Variants in CCL11 observed in about 807,000 individuals in gnomAD.
CCL11 encodes the protein C-C motif chemokine ligand 11, also known as eotaxin.
A neutral mutation model predicts 7.3 loss-of-function variants in CCL11; 7 were observed. The ratio of observed to expected loss-of-function variants is 0.96; its 90% CI spans 0.55 to 1.81. The LOEUF is 1.81. Ranked by LOEUF, CCL11 falls within the 40% of genes most tolerant of loss-of-function variation. CCL11 has a pLI of 0.00. For missense variants in CCL11, 132 were observed against 114.2 expected (o/e 1.16, Z -0.71); for synonymous variants, 66 against 45.2 (o/e 1.46, Z -1.84).
At position 34,287,663 on chromosome 17, in the gene CCL11, C is replaced by A. The variant is rs202174496; in HGVS notation, c.267C>A (p.Asp89Glu). The A allele has an allele frequency of 5.0e-6, 8 of 1,612,964 alleles. No homozygotes were observed. Among genetic ancestry groups the A allele is most frequent in the African/African-American group, 1.3e-5 (1 of 74,912 alleles). Residue 89 changes from aspartate (D) to glutamate (E), a missense_variant, in exon 3 of 3, where the codon GAC becomes GAA. Physicochemically the swap from Asp to Glu is conservative, Grantham distance 45. Transcript: ENST00000305869. Reference sequence around the variant, plus strand: ...TGCAGGATTCCATGAAGTATCTGGACCAAAAATCTCCAACTCCAAAGCCAT... The same window carrying A: ...TGCAGGATTCCATGAAGTATCTGGAACAAAAATCTCCAACTCCAAAGCCAT... Reference protein sequence around the residue: ...KWVQDSMKYLDQKSPTPKP With the variant: ...KWVQDSMKYLEQKSPTPKP
chr17:34,285,905 C>CCTTTCCTGT, intron 1 of CCL11, 21 bp downstream of exon 1: 1 of 1,577,916 alleles, frequency 6.3e-7, no homozygotes, highest in Non-Finnish European at 8.7e-7. Context: ...CAACTCCTTA[C>CCTTTCCTGT]AGGAAAGGTA....
In CCL11 at chr17:34,287,108, C is replaced by T; in HGVS notation, c.89C>T (p.Thr30Ile). Residue 30 changes from threonine to isoleucine, a missense_variant, in exon 2 of 3, where the codon ACC (threonine) becomes ATC (isoleucine). Coordinates refer to ENST00000305869, the MANE Select transcript of CCL11 (RefSeq NM_002986.3). ...CCCCAAAATTCAGCTTCTGTCCCAA[C>T]CACCTGCTGCTTTAACCTGGCCAAT... is the stretch of plus-strand genomic sequence containing the variant. Reference protein sequence around the residue: ...QGLAGPASVPTTCCFNLANRK... With the variant: ...QGLAGPASVPITCCFNLANRK... 1 of 1,613,588 alleles carries T rather than the reference C, an allele frequency of 6.2e-7. No individual in the cohort carries two copies. Among genetic ancestry groups the T allele is most frequent in the African/African-American group, 1.3e-5 (1 of 75,016 alleles).
rs369793064 is a variant in CCL11, at chr17:34,287,581, A to G, written c.189-4A>G. 8.6e-5 allele frequency: 139 copies of G among 1,608,678 alleles called. No homozygotes were observed. Among genetic ancestry groups the G allele is most frequent in the Non-Finnish European group, 1.1e-4 (135 of 1,175,288 alleles). Reference sequence around the variant, plus strand: ...CTTCCAATTGCATCCTGTATCTCCCACAGCTTCAAGACCAAACTGGCCAAG... The same window carrying G: ...CTTCCAATTGCATCCTGTATCTCCCGCAGCTTCAAGACCAAACTGGCCAAG... On this transcript the variant is annotated splice_region_variant and splice_polypyrimidine_tract_variant and intron_variant, in intron 2 of 2. Coordinates refer to ENST00000305869, the MANE Select transcript of CCL11 (RefSeq NM_002986.3).
chr17:34,287,025 G>T, intron 1 of CCL11, 71 bp from the exon 2 acceptor site: 1 of 1,007,932 alleles, frequency 9.9e-7, no homozygotes, highest in Non-Finnish European at 1.6e-6. Context: ...ACAAAGTCAT[G>T]CTTGGAAATG....
In CCL11 at chr17:34,285,814, G is replaced by C. The variant is rs758267172; in HGVS notation, c.6G>C (p.Lys2Asn). 2 of 1,611,888 alleles carry C rather than the reference G, an allele frequency of 1.2e-6. No homozygotes were observed. Among genetic ancestry groups the C allele is most frequent in the Non-Finnish European group, 1.7e-6 (2 of 1,179,102 alleles). MKVSAALLWLLL... is the reference protein window; with the variant it reads MNVSAALLWLLL... Reference sequence around the variant, plus strand: ...TCACACCTTCAGCCTCCAACATGAAGGTCTCCGCAGCACTTCTGTGGCTGC... The same window carrying C: ...TCACACCTTCAGCCTCCAACATGAACGTCTCCGCAGCACTTCTGTGGCTGC... Residue 2 changes from lysine (K) to asparagine (N), a missense_variant, in exon 1 of 3, where the codon AAG (lysine) becomes AAC (asparagine). Physicochemically the swap from Lys to Asn is moderately conservative, Grantham distance 94 (BLOSUM62 0). Coordinates refer to ENST00000305869, the MANE Select transcript of CCL11 (RefSeq NM_002986.3).
chr17:34,285,863 C>G lies in CCL11; in HGVS notation c.55C>G (p.Pro19Ala). 6.2e-7 allele frequency: 1 copy of G among 1,611,992 alleles called. No homozygotes were observed. The highest frequency in any genetic ancestry group is 1.1e-5 in the South Asian group (1 of 90,782). ...WLLLIAAAFS[P>A]QGLAGPASVP... ...GCTGCTCATAGCAGCTGCCTTCAGC[C>G]CCCAGGGGCTCGCTGGGCCAGGTAA... Residue 19 changes from proline to alanine, a missense_variant, in exon 1 of 3, where the codon CCC becomes GCC. Coordinates refer to ENST00000305869, the MANE Select transcript of CCL11 (RefSeq NM_002986.3).
Position 34,287,814 on chromosome 17 carries a change from A to AT in CCL11, c.*125dup. The AT allele has an allele frequency of 4.2e-5, 13 of 308,516 alleles. No individual in the cohort carries two copies. The highest frequency in any genetic ancestry group is 9.2e-5 in the East Asian group (2 of 21,700). The allele number at this position is 308,516 out of a possible 1,614,324, so 19.1% of individuals were successfully genotyped here. A position where few individuals can be genotyped will look rare whatever the true frequency, so the allele number is the denominator to read the frequency against. On this transcript the variant is annotated 3_prime_UTR_variant, in exon 3 of 3. Coordinates refer to ENST00000305869, the MANE Select transcript of CCL11 (RefSeq NM_002986.3). The stretch of plus-strand genomic sequence containing the variant: ...AGGGCATGGGTTTTATTATATATAT[A>AT]TATTTTTTTTTTTAAAAAAAAAACG...
At chr17:34,286,893 C>G (rs1349501271) in intron 1 of CCL11, among the ~76,000 whole-genome samples, 1 of 152,154 alleles carries the variant, frequency 6.6e-6, no homozygotes, top group Non-Finnish European at 1.5e-5. Context: ...AATGATGAGT[C>G]CTCAGTGCAC....
At position 34,285,977 on chromosome 17, in the gene CCL11, C is replaced by G. The variant is rs1005027626; in HGVS notation, c.76+93C>G. 3 of 834,046 alleles carry G rather than the reference C, an allele frequency of 3.6e-6. No individual in the cohort carries two copies. The African/African-American group carries it at 5.2e-5, about 15-fold the overall frequency. The allele number at this position is 834,046 out of a possible 1,614,324, so 51.7% of individuals were successfully genotyped here. A position where few individuals can be genotyped will look rare whatever the true frequency, so the allele number is the denominator to read the frequency against. ...TCTTTACAGACTCACTGCAAATTCT[C>G]CATTTGAAAAATAGGGAAACAGGTT... On this transcript the variant is annotated intron_variant, in intron 1 of 2. Coordinates refer to ENST00000305869, the MANE Select transcript of CCL11 (RefSeq NM_002986.3).
chr17:34,286,028 A>G (rs1164073525), intron 1 of CCL11, 144 bp downstream of exon 1: 5 of 609,768 alleles, frequency 8.2e-6, no homozygotes, highest in Non-Finnish European at 1.4e-5. Context: ...AAATGCCTCA[A>G]CCTCACATCC....
chr17:34,287,191 C>T lies in CCL11; in HGVS notation c.172C>T (p.Pro58Ser), dbSNP rs866266504. Residue 58 changes from proline (P) to serine (S), a missense_variant, in exon 2 of 3, where the codon CCC becomes TCC. Coordinates refer to ENST00000305869, the MANE Select transcript of CCL11 (RefSeq NM_002986.3). ...SYRRITSGKCPQKAVIFKTKL... is the reference protein window; with the variant it reads ...SYRRITSGKCSQKAVIFKTKL... Reference sequence around the variant, plus strand: ...CAGGAGAATCACCAGTGGCAAATGTCCCCAGAAAGCTGTGATGTAAGTAAA... The same window carrying T: ...CAGGAGAATCACCAGTGGCAAATGTTCCCAGAAAGCTGTGATGTAAGTAAA... 6.2e-7 allele frequency: 1 copy of T among 1,612,438 alleles called. No homozygotes were observed. Among genetic ancestry groups the T allele is most frequent in the Non-Finnish European group, 8.5e-7 (1 of 1,178,550 alleles).
chr17:34,287,177 C>A lies in CCL11; in HGVS notation c.158C>A (p.Thr53Asn). 6.2e-7 allele frequency: 1 copy of A among 1,613,712 alleles called. No homozygotes were observed. Among genetic ancestry groups the A allele is most frequent in the Non-Finnish European group, 8.5e-7 (1 of 1,179,688 alleles). Residue 53 changes from threonine (T) to asparagine (N), a missense_variant, in exon 2 of 3, where the codon ACC becomes AAC. Coordinates refer to ENST00000305869, the MANE Select transcript of CCL11 (RefSeq NM_002986.3). ...LQRLESYRRITSGKCPQKAVI... is the reference protein window; with the variant it reads ...LQRLESYRRINSGKCPQKAVI... Reference sequence around the variant, plus strand: ...CGACTAGAGAGCTACAGGAGAATCACCAGTGGCAAATGTCCCCAGAAAGCT... The same window carrying A: ...CGACTAGAGAGCTACAGGAGAATCAACAGTGGCAAATGTCCCCAGAAAGCT...
chr17:34,287,212 GTAAA>G lies in CCL11; in HGVS notation c.188+10_188+13del, dbSNP rs1204303464. Reference sequence around the variant, plus strand: ...ATGTCCCCAGAAAGCTGTGATGTAAGTAAATAAAGTTCACCCTCCCCTAGACAAA... The same window carrying G: ...ATGTCCCCAGAAAGCTGTGATGTAAGTAAAGTTCACCCTCCCCTAGACAAA... On this transcript the variant is annotated splice_donor_region_variant and intron_variant, in intron 2 of 2. Transcript: ENST00000305869. 2 of 1,597,774 alleles carry G rather than the reference GTAAA, an allele frequency of 1.3e-6. No individual in the cohort carries two copies. Among genetic ancestry groups the G allele is most frequent in the African/African-American group, 2.7e-5 (2 of 74,634 alleles).
chr17:34,286,211 T>C (rs1425371281), intron 1 of CCL11, among the ~76,000 whole-genome samples: 1 of 152,166 alleles, frequency 6.6e-6, no homozygotes, highest in Non-Finnish European at 1.5e-5. Context: ...GGAAAATCTG[T>C]TGATTAGAAG....
At chr17:34,287,451 A>C (rs1313977022) in intron 2 of CCL11, 134 bp from the exon 3 acceptor site, 4 of 683,142 alleles carry the variant, frequency 5.9e-6, no homozygotes, top group African/African-American at 3.6e-5. Context: ...AGCAGCAACT[A>C]ACCCAAGAGT....
chr17:34,287,396 A>G (rs551220221), intron 2 of CCL11, among the ~76,000 whole-genome samples, 189 bp downstream of exon 2: 2 of 152,250 alleles, frequency 1.3e-5, no homozygotes, highest in African/African-American at 2.4e-5. Flanking sequence ...AGTCATATCA[A>G]TTTCTTCAAG....
intron 2 of CCL11, 83 bp from the exon 3 acceptor site, chr17:34,287,502 G>C (rs1378791764): frequency 4.2e-6 from 4 of 949,282 alleles, no homozygotes; most frequent in Non-Finnish European, 6.8e-6. Context: ...TTGTCCAGGG[G>C]CAGATGGTCC....
Position 34,286,511 on chromosome 17 carries a change from T to C in CCL11, c.77-585T>C, listed in dbSNP as rs537684503. ...CTTTCTCACTTGTACTAAATATCTA[T>C]AATGTATGGGCTCAGGCTTCTGCAT... On this transcript the variant is annotated intron_variant, in intron 1 of 2. Transcript: ENST00000305869. 3.7e-4 allele frequency among the ~76,000 whole-genome samples: 56 copies of C among 152,356 alleles called. 1 individual carries two copies. The highest frequency in any genetic ancestry group is 9.8e-4 in the Admixed American group (15 of 15,308).
At chr17:34,286,667 C>T (rs936164781) in intron 1 of CCL11, among the ~76,000 whole-genome samples, 2 of 152,132 alleles carry the variant, frequency 1.3e-5, no homozygotes, top group Admixed American at 6.5e-5. Context: ...AAAATGACAC[C>T]CATCACTTTG....
Sources: allele counts gnomAD v4.1 joint callset (sites outside exome capture counted in the v4.1 genomes callset), GRCh38; gene constraint gnomAD v4.1.1; transcripts MANE v1.5; gene names NCBI Gene and HGNC (gene_info 2026-07-23, HGNC 2026-07-21).